LIAS: variants seen among roughly 807,000 people sequenced by gnomAD.
The protein encoded by LIAS is lipoyl synthase, mitochondrial.
A neutral mutation model predicts 49.4 loss-of-function variants in LIAS; 36 were observed. That is an observed-to-expected ratio of 0.73 (90% CI 0.56 to 0.96). The LOEUF (loss-of-function observed/expected upper bound fraction) is 0.96. Ranked by LOEUF, LIAS falls within the 40% of genes least tolerant of loss-of-function variation. LIAS has a pLI of 0.00. For synonymous variants in LIAS, 145 were observed against 155.8 expected, an observed-to-expected ratio of 0.93 and a Z score of 0.52; for missense variants, 399 against 456.3, an observed-to-expected ratio of 0.87 and a Z score of 1.14.
At chr4:39,474,410 G>A (rs1490844882) in intron 10 of LIAS, among the ~76,000 whole-genome samples, 2 of 151,818 alleles carry the variant, frequency 1.3e-5, no homozygotes, top group African/African-American at 2.4e-5. Flanking sequence ...TCCAGCCTGG[G>A]TGACAGAGCA....
chr4:39,467,559 G>A lies in LIAS; in HGVS notation c.650G>A (p.Arg217Gln), dbSNP rs570807277. 1.5e-5 allele frequency: 24 copies of A among 1,607,620 alleles called. No homozygotes were observed. Among genetic ancestry groups the A allele is most frequent in the East Asian group, 4.5e-5 (2 of 44,552 alleles). The change falls in exon 7 of 11, where the codon CGA becomes CAA. Residue 217 changes from arginine (R) to glutamine (Q), a missense_variant. By Grantham distance (43) the Arg-to-Gln change is conservative. Around this residue, in one of 3 missense-constraint regions of LIAS, gnomAD observed 234 missense variants for 292.2 expected, o/e 0.80. Transcript: ENST00000640888. Reference protein sequence around the residue: ...ILVECLTPDFRGDLKAIEKVA... With the variant: ...ILVECLTPDFQGDLKAIEKVA... ...GTGGAGTGTCTTACTCCTGATTTTC[G>A]AGGTGATCTCAAAGCAATAGAAAAA...
At chr4:39,474,864 GGATTACAGGTGT>G (rs1745135877) in intron 10 of LIAS, 1 of 151,740 alleles carries the variant, frequency 6.6e-6, no homozygotes, top group African/African-American at 2.4e-5. Context: ...CAAAGTGCTG[GGATTACAGGTGT>G]GAGCCACCGC....
At chr4:39,463,206 C>A (rs1172121870) in intron 3 of LIAS, among the ~76,000 whole-genome samples, 1 of 151,672 alleles carries the variant, frequency 6.6e-6, no homozygotes, top group African/African-American at 2.4e-5. Flanking sequence ...TCTCCTCAGC[C>A]TTCTGAGTAG....
At chr4:39,470,293 C>T (rs891187630) in intron 8 of LIAS, 129 bp downstream of exon 8, 34 of 594,470 alleles carry the variant, frequency 5.7e-5, no homozygotes, top group Non-Finnish European at 9.3e-5. Context: ...GAAAAGGAAA[C>T]CAACTTGCAC....
rs1005486697 is a variant in LIAS at position 39,479,205 on chromosome 4, CA to C, written c.*2098del. On this transcript the variant is annotated 3_prime_UTR_variant, in exon 11 of 11. Transcript: ENST00000640888. The stretch of plus-strand genomic sequence containing the variant: ...AGCCTGGGTGACAGAGACCGTGTCT[CA>C]AAAAAAATTTTTTTAAGTAATGCAT... 3 of 150,368 alleles carry C rather than the reference CA, an allele frequency of 2.0e-5. No individual in the cohort carries two copies. Among genetic ancestry groups the C allele is most frequent in the Non-Finnish European group, 4.4e-5 (3 of 67,624 alleles). The allele number at this position is 150,368 out of a possible 1,614,324, so 9.3% of individuals were successfully genotyped here.
intron 8 of LIAS, chr4:39,470,565 C>G (rs945480684): frequency 6.0e-6 from 1 of 167,392 alleles, no homozygotes; most frequent in African/African-American, 2.4e-5. Flanking sequence ...TGAGAAAGAG[C>G]TTACTTGTAG....
intron 7 of LIAS, 42 bp downstream of exon 7, chr4:39,467,688 C>T (rs1346430423): frequency 6.9e-7 from 1 of 1,444,390 alleles, no homozygotes; most frequent in Non-Finnish European, 9.2e-7. Flanking sequence ...TTAGGCGGGT[C>T]AAAATATGCC....
At chr4:39,465,375 C>A in intron 6 of LIAS, 33 bp downstream of exon 6, 3 of 1,571,644 alleles carry the variant, frequency 1.9e-6, no homozygotes, top group South Asian at 2.3e-5. Context: ...AATTTAAGGA[C>A]CTTTTTGGAC....
Position 39,467,529 on chromosome 4 carries a change from T to G in LIAS, c.620T>G (p.Ile207Ser), listed in dbSNP as rs1196873747. Residue 207 changes from isoleucine to serine, a missense_variant, in exon 7 of 11, where the codon ATC becomes AGC. This residue lies in a region of LIAS where 234 missense variants were observed against 292.2 expected (regional missense o/e 0.80). Transcript: ENST00000640888. Reference protein sequence around the residue: ...VSYLKERNPKILVECLTPDFR... With the variant: ...VSYLKERNPKSLVECLTPDFR... ...TCTTTTCCCCTTAGGAATCCAAAAA[T>G]CCTTGTGGAGTGTCTTACTCCTGAT... 14 of 1,594,330 alleles carry G rather than the reference T, an allele frequency of 8.8e-6. No homozygotes were observed. Among genetic ancestry groups the G allele is most frequent in the Non-Finnish European group, 1.2e-5 (14 of 1,171,734 alleles).
rs1228462614 is a variant in LIAS at position 39,477,660 on chromosome 4, T to C, written c.*545T>C. 6.6e-6 allele frequency: 1 copy of C among 152,298 alleles called. No individual in the cohort carries two copies. The highest frequency in any genetic ancestry group is 2.4e-5 in the African/African-American group (1 of 41,452). 9.4% of individuals were successfully genotyped at this position (152,298 alleles called of 1,614,324 possible). On this transcript the variant is annotated 3_prime_UTR_variant, in exon 11 of 11. Transcript: ENST00000640888. ...CTGTGATGTAATCTTAAAATATCTT[T>C]GTAAGAATTTTCTTTTAACATAATT... is the stretch of plus-strand genomic sequence containing the variant.
chr4:39,461,817 C>T (rs1393000955), intron 2 of LIAS, among the ~76,000 whole-genome samples: 1 of 152,204 alleles, frequency 6.6e-6, no homozygotes, highest in African/African-American at 2.4e-5. Flanking sequence ...GCCTAAGCCT[C>T]CCAAGTAGCT....
chr4:39,472,132 C>T (rs1409556759), intron 9 of LIAS, among the ~76,000 whole-genome samples: 2 of 151,580 alleles, frequency 1.3e-5, no homozygotes, highest in Non-Finnish European at 2.9e-5. Flanking sequence ...TATACACACA[C>T]ACACACACAC....
At chr4:39,463,115 T>G (rs895215059) in intron 3 of LIAS, among the ~76,000 whole-genome samples, 3 of 147,708 alleles carry the variant, frequency 2.0e-5, no homozygotes, top group East Asian at 1.9e-4. Context: ...TTTTTTTTTT[T>G]GAAGACAGGG....
At chr4:39,471,387 G>A (rs1482712667) in intron 9 of LIAS, 81 bp downstream of exon 9, 4 of 1,044,070 alleles carry the variant, frequency 3.8e-6, no homozygotes, top group East Asian at 2.5e-5. Flanking sequence ...GAGCTGGAGT[G>A]TAGTGGCACA....
rs2109875481 is a variant in LIAS, at chr4:39,465,167, T to C, written c.515T>C (p.Leu172Pro). Residue 172 changes from leucine to proline, a missense_variant, in exon 5 of 11, where the codon CTG (leucine) becomes CCG (proline). Transcript: ENST00000640888. ...GCAAAGGCAATTGCAGAATGGGGTC[T>C]GGATTATGTTGTCCTGACATCTGTG... ...NTAKAIAEWG[L>P]DYVVLTSVDR... The C allele has an allele frequency of 6.2e-7, 1 of 1,614,200 alleles. No individual in the cohort carries two copies. Among genetic ancestry groups the C allele is most frequent in the Non-Finnish European group, 8.5e-7 (1 of 1,180,002 alleles).
At chr4:39,459,663 C>A (rs1578230656) in intron 1 of LIAS, among the ~76,000 whole-genome samples, 1 of 152,294 alleles carries the variant, frequency 6.6e-6, no homozygotes, top group South Asian at 2.1e-4. Flanking sequence ...ATCTCATACA[C>A]GTTTGTGTTC....
chr4:39,460,728 G>A, intron 1 of LIAS, 62 bp from the exon 2 acceptor site: 2 of 1,396,428 alleles, frequency 1.4e-6, no homozygotes, highest in South Asian at 3.2e-5. Context: ...GTGTTATGAT[G>A]GGTTAAAACT....
intron 6 of LIAS, chr4:39,466,296 T>C (rs947020961): frequency 6.6e-6 from 1 of 152,186 alleles, no homozygotes; most frequent in East Asian, 1.9e-4. Context: ...CTAAGCGCAC[T>C]TAGTAAATTT....
chr4:39,472,124 TACAC>T (rs150010225), intron 9 of LIAS, among the ~76,000 whole-genome samples: 5,464 of 150,180 alleles, frequency 0.036, 141 homozygotes, highest in Middle Eastern at 0.11. Context: ...CACACACATA[TACAC>T]ACACACACAC....
Sources: gnomAD v4.1 joint callset for allele counts (sites outside exome capture counted in the v4.1 genomes callset) on GRCh38, gnomAD v4.1.1 for gene constraint, gnomAD v4.1.1 regional missense constraint, MANE v1.5 for transcripts, NCBI Gene and HGNC (gene_info 2026-07-23, HGNC 2026-07-21) for gene names.